CD84: variants seen among roughly 807,000 people sequenced by gnomAD.
CD84 encodes SLAM family member 5.
Under a neutral mutation model 33.8 loss-of-function variants are expected in CD84, and 22 were observed. That is an observed-to-expected ratio of 0.65 (90% confidence interval 0.46 to 0.93). The LOEUF is 0.93. Among genes scored for constraint, CD84 ranks in the 40% least tolerant of loss-of-function variants. The probability of loss-of-function intolerance (pLI) is 0.00; values close to 1 mark genes in which losing one functional copy is unlikely to be tolerated. For synonymous variants in CD84, 154 were observed against 145.2 expected, an observed-to-expected ratio of 1.06 and a Z score of -0.44; for missense variants, 400 against 397.6, an observed-to-expected ratio of 1.01 and a Z score of -0.05.
intron 1 of CD84, chr1:160,570,879 A>G (rs1352544828): frequency 6.6e-6 from 1 of 152,206 alleles, no homozygotes; most frequent in African/African-American, 2.4e-5. Flanking sequence ...AAACCAATAA[A>G]TAAATAAATA....
chr1:160,548,159 C>G lies in CD84; in HGVS notation c.*97G>C, dbSNP rs1049685203. Reference sequence around the variant, plus strand: ...GCTGAGATGTGGCAGTTTGCAATCTCCCAGTAAGAGTTGGGCAGAGAAGAT... The same window carrying G: ...GCTGAGATGTGGCAGTTTGCAATCTGCCAGTAAGAGTTGGGCAGAGAAGAT... On this transcript the variant is annotated 3_prime_UTR_variant, in exon 7 of 7. Transcript: ENST00000368054. 1.6e-6 allele frequency: 2 copies of G among 1,289,842 alleles called. No homozygotes were observed. Among genetic ancestry groups the G allele is most frequent in the Non-Finnish European group, 2.2e-6 (2 of 894,358 alleles). 79.9% of individuals were successfully genotyped at this position (1,289,842 alleles called of 1,614,324 possible).
At position 160,545,541 on chromosome 1, in the gene CD84, G is replaced by T. The variant is rs993586497; in HGVS notation, c.*2715C>A. 1 of 152,174 alleles carries T rather than the reference G, an allele frequency of 6.6e-6. No homozygotes were observed. Among genetic ancestry groups the T allele is most frequent in the Non-Finnish European group, 1.5e-5 (1 of 68,058 alleles). The allele number at this position is 152,174 out of a possible 1,614,324, so 9.4% of individuals were successfully genotyped here. On this transcript the variant is annotated 3_prime_UTR_variant, in exon 7 of 7. Transcript: ENST00000368054. ...GTTAGGTGCTTCAGCTGACCTCTTA[G>T]TTGGTCTGCCTAACTCTGAAAGTCT... is the stretch of plus-strand genomic sequence containing the variant.
intron 2 of CD84, among the ~76,000 whole-genome samples, chr1:160,554,907 A>G (rs1025629009): frequency 6.6e-6 from 1 of 152,024 alleles, no homozygotes; most frequent in African/African-American, 2.4e-5. Context: ...AATTCTATAT[A>G]GAATTTACAA....
chr1:160,550,076 C>T (rs1043727406), intron 5 of CD84, 97 bp from the exon 6 acceptor site: 30 of 859,486 alleles, frequency 3.5e-5, no homozygotes, highest in Non-Finnish European at 4.7e-5. Context: ...TTCCCTGGTC[C>T]CACATTTACT....
chr1:160,569,482 C>T (rs6687641), intron 1 of CD84, among the ~76,000 whole-genome samples: 59,702 of 151,496 alleles, frequency 0.39, 13,077 homozygotes, highest in African/African-American at 0.59. Context: ...CTCTGCCTTT[C>T]GGGGGGAATT....
In CD84 at chr1:160,542,659, C is replaced by T. The variant is rs770779162; in HGVS notation, c.*5597G>A. The T allele has an allele frequency of 1.3e-5, 2 of 152,198 alleles. No homozygotes were observed. The highest frequency in any genetic ancestry group is 2.9e-5 in the Non-Finnish European group (2 of 68,034). The allele number at this position is 152,198 out of a possible 1,614,324, so 9.4% of individuals were successfully genotyped here. A position where few individuals can be genotyped will look rare whatever the true frequency, so the allele number is the denominator to read the frequency against. Reference sequence around the variant, plus strand: ...AATTGATCCATCCCAAACCCAGAGACTTGTACAGGGCTGTTGAGAACTGTC... The same window carrying T: ...AATTGATCCATCCCAAACCCAGAGATTTGTACAGGGCTGTTGAGAACTGTC... On this transcript the variant is annotated 3_prime_UTR_variant, in exon 7 of 7. Transcript: ENST00000368054.
At chr1:160,572,088 G>A (rs1657729090) in intron 1 of CD84, among the ~76,000 whole-genome samples, 1 of 152,202 alleles carries the variant, frequency 6.6e-6, no homozygotes. Flanking sequence ...GTGAAGTAGA[G>A]TGAGCATAGA....
chr1:160,550,476 T>C lies in CD84; in HGVS notation c.858+462A>G, dbSNP rs112179437. The C allele has an allele frequency of 1.4e-3, 362 of 259,910 alleles. 1 individual carries two copies. The highest frequency in any genetic ancestry group is 7.8e-3 in the African/African-American group (341 of 43,546). The allele number at this position is 259,910 out of a possible 1,614,324, so 16.1% of individuals were successfully genotyped here. On this transcript the variant is annotated intron_variant, in intron 5 of 6. Coordinates refer to ENST00000368054, the MANE Select transcript of CD84 (RefSeq NM_003874.4). ...GGGAGGAGGGGTGTGGAACAGTGAC[T>C]CTGAGTCTGAGGAAAGCAAGCCGCT...
At position 160,544,163 on chromosome 1, in the gene CD84, TTTTTG is replaced by T; in HGVS notation, c.*4088_*4092del. On this transcript the variant is annotated 3_prime_UTR_variant, in exon 7 of 7. Coordinates refer to ENST00000368054, the MANE Select transcript of CD84 (RefSeq NM_003874.4). ...CTTCAAACTTTTTTTTTTTTTTTTT[TTTTTG>T]AGACGGAGTCTCACTCTCTCGCCCA... 6.7e-6 allele frequency: 1 copy of T among 149,088 alleles called. No individual in the cohort carries two copies. The allele number at this position is 149,088 out of a possible 1,614,324, so 9.2% of individuals were successfully genotyped here. A position where few individuals can be genotyped will look rare whatever the true frequency, so the allele number is the denominator to read the frequency against.
rs1657287620 is a variant in CD84 at position 160,565,760 on chromosome 1, A to T, written c.47-15T>A. ...TGCTTCCGGCCCTGAGAACATAAAA[A>T]GAAAACTGTAGCCATCTGACTGTTG... On this transcript the variant is annotated splice_polypyrimidine_tract_variant and intron_variant, in intron 1 of 6. Coordinates refer to ENST00000368054, the MANE Select transcript of CD84 (RefSeq NM_003874.4). 1 of 1,551,874 alleles carries T rather than the reference A, an allele frequency of 6.4e-7. No individual in the cohort carries two copies. Among genetic ancestry groups the T allele is most frequent in the African/African-American group, 1.4e-5 (1 of 72,280 alleles).
At chr1:160,553,255 G>C in intron 4 of CD84, 123 bp downstream of exon 4, 4 of 1,489,292 alleles carry the variant, frequency 2.7e-6, no homozygotes, top group Non-Finnish European at 3.7e-6. Flanking sequence ...TGGTGGGGTG[G>C]AGATCGGAAA....
Position 160,579,390 on chromosome 1 carries a change from A to G in CD84, c.46+2T>C, listed in dbSNP as rs747926106. On this transcript the variant is annotated splice_donor_variant, in intron 1 of 6. Coordinates refer to ENST00000368054, the MANE Select transcript of CD84 (RefSeq NM_003874.4). LOFTEE classifies it high-confidence loss of function. ...AGGCGATCAGCAAGGGTCAGAACTC[A>G]CAGGTTTGCAGGCAAAGGAGCAAGA... is the stretch of plus-strand genomic sequence containing the variant. 1 of 1,613,192 alleles carries G rather than the reference A, an allele frequency of 6.2e-7. No homozygotes were observed. Among genetic ancestry groups the G allele is most frequent in the Non-Finnish European group, 8.5e-7 (1 of 1,179,372 alleles).
At chr1:160,555,268 A>C (rs1571355348) in intron 2 of CD84, among the ~76,000 whole-genome samples, 1 of 152,066 alleles carries the variant, frequency 6.6e-6, no homozygotes, top group East Asian at 1.9e-4. Context: ...TATTTTTAGT[A>C]GAGATGGAGT....
At chr1:160,550,570 C>T (rs1018654196) in intron 5 of CD84, 10 of 966,136 alleles carry the variant, frequency 1.0e-5, no homozygotes, top group Non-Finnish European at 1.2e-5. Flanking sequence ...GCCCCCTTAG[C>T]AACCTGTTCA....
rs1204542967 is a variant in CD84 at position 160,560,874 on chromosome 1, TACATAA to T, written c.388+4524_388+4529del. 2.6e-5 allele frequency among the ~76,000 whole-genome samples: 4 copies of T among 151,992 alleles called. No individual in the cohort carries two copies. In the East Asian group the frequency reaches 5.8e-4, roughly 22 times the overall value. On this transcript the variant is annotated intron_variant, in intron 2 of 6. Coordinates refer to ENST00000368054, the MANE Select transcript of CD84 (RefSeq NM_003874.4). ...AGAGAATACTATAAATATCTCTATG[TACATAA>T]ACTAGAAAATATAGAAGAAATGGAT...
rs371397835 is a variant in CD84, at chr1:160,552,757, G to A, written c.760+621C>T. ...AGGAACCTGAGGAATCAGACCCAAAGGAGAGTCAGGAACATGGAAGCAGAA... is the reference window on the plus strand; with the variant it reads ...AGGAACCTGAGGAATCAGACCCAAAAGAGAGTCAGGAACATGGAAGCAGAA... On this transcript the variant is annotated intron_variant, in intron 4 of 6. Coordinates refer to ENST00000368054, the MANE Select transcript of CD84 (RefSeq NM_003874.4). The A allele has an allele frequency of 9.0e-5, 139 of 1,536,544 alleles. No homozygotes were observed. The Admixed American group carries it at 2.2e-3, about 25-fold the overall frequency.
intron 6 of CD84, among the ~76,000 whole-genome samples, chr1:160,548,849 C>T (rs896179045): frequency 6.6e-5 from 10 of 152,144 alleles, no homozygotes; most frequent in African/African-American, 2.2e-4. Flanking sequence ...AAGGATTTAT[C>T]TTGAGATGTC....
intron 2 of CD84, among the ~76,000 whole-genome samples, chr1:160,558,460 C>G (rs1656750732): frequency 6.6e-6 from 1 of 152,064 alleles, no homozygotes; most frequent in African/African-American, 2.4e-5. Context: ...ACAAAAAAGA[C>G]CTCAGAAAAA....
intron 2 of CD84, among the ~76,000 whole-genome samples, chr1:160,562,990 A>G (rs997023927): frequency 1.3e-5 from 2 of 152,218 alleles, no homozygotes; most frequent in Non-Finnish European, 2.9e-5. Flanking sequence ...TGTGAAAAAA[A>G]GCTAAACATC....
Sources: allele counts gnomAD v4.1 joint callset (sites outside exome capture counted in the v4.1 genomes callset), GRCh38; gene constraint gnomAD v4.1.1; transcripts MANE v1.5; gene names NCBI Gene and HGNC (gene_info 2026-07-23, HGNC 2026-07-21).